Variants in CPEB1 observed in about 807,000 individuals in gnomAD.
CPEB1 encodes cytoplasmic polyadenylation element binding protein 1, also known as cytoplasmic polyadenylation element-binding protein 1.
In CPEB1, 7 loss-of-function variants were observed where a neutral mutation model predicts 65.8. That is an observed-to-expected ratio of 0.11 (90% confidence interval 0.06 to 0.20). The LOEUF is 0.20. Ranked by LOEUF, CPEB1 falls within the 10% of genes least tolerant of loss-of-function variation. CPEB1 has a pLI of 1.00. For synonymous variants in CPEB1, 262 were observed against 260.0 expected (o/e 1.01, Z -0.08); for missense variants, 551 against 712.2 (o/e 0.77, Z 2.58).
chr15:82,618,799 A>C (rs936908750), intron 3 of CPEB1, among the ~76,000 whole-genome samples: 3 of 152,330 alleles, frequency 2.0e-5, no homozygotes, highest in Admixed American at 1.3e-4. Context: ...ACACTAAGAA[A>C]ATTTTTAAAG....
In CPEB1 at chr15:82,575,528, G is replaced by A. The variant is rs929687311; in HGVS notation, c.272-3996C>T. 2.2e-4 allele frequency among the ~76,000 whole-genome samples: 34 copies of A among 152,000 alleles called. 1 individual carries two copies. The highest frequency in any genetic ancestry group is 2.1e-4 in the Non-Finnish European group (14 of 67,908). Reference sequence around the variant, plus strand: ...AAGATACCACTAAGAAAATAATTACGCAAGCCACAATATGTGAGAAAATAC... The same window carrying A: ...AAGATACCACTAAGAAAATAATTACACAAGCCACAATATGTGAGAAAATAC... On this transcript the variant is annotated intron_variant, in intron 3 of 12. Coordinates refer to ENST00000684509, the MANE Select transcript of CPEB1 (RefSeq NM_001365242.1).
At chr15:82,553,816 C>T (rs2036711298) in intron 7 of CPEB1, 62 bp downstream of exon 7, 1 of 1,213,130 alleles carries the variant, frequency 8.2e-7, no homozygotes, top group Non-Finnish European at 1.2e-6. Flanking sequence ...TTCCAAGTTT[C>T]ATGCTCCTGA....
rs534244935 is a variant in CPEB1 at position 82,616,582 on chromosome 15, G to A, written c.271+10611C>T. 3.7e-5 allele frequency among the ~76,000 whole-genome samples: 5 copies of A among 133,476 alleles called. No homozygotes were observed. The South Asian group carries it at 6.9e-4, about 18-fold the overall frequency. 87.6% of individuals were successfully genotyped at this position (133,476 alleles called of 152,430 possible). ...GAGACGGAGTTTCGTTCTTGTCATC[G>A]CCCAGACTGGAGTGCAGTGGCATGA... On this transcript the variant is annotated intron_variant, in intron 3 of 12. Coordinates refer to ENST00000684509, the MANE Select transcript of CPEB1 (RefSeq NM_001365242.1).
At chr15:82,619,588 C>G (rs2045103163) in intron 3 of CPEB1, among the ~76,000 whole-genome samples, 1 of 151,864 alleles carries the variant, frequency 6.6e-6, no homozygotes, top group Non-Finnish European at 1.5e-5. Flanking sequence ...TACAAGTAAA[C>G]AAGAAAAAGG....
chr15:82,547,749 T>G (rs963850409), intron 10 of CPEB1, among the ~76,000 whole-genome samples: 7 of 151,470 alleles, frequency 4.6e-5, no homozygotes, highest in Non-Finnish European at 8.8e-5. Flanking sequence ...CTCAGCTCAC[T>G]GCAACCTCTG....
chr15:82,559,517 C>T (rs1187748033), intron 4 of CPEB1, among the ~76,000 whole-genome samples: 1 of 152,050 alleles, frequency 6.6e-6, no homozygotes, highest in Non-Finnish European at 1.5e-5. Context: ...AGTTTCAGTC[C>T]CTCTACAACC....
intron 4 of CPEB1, among the ~76,000 whole-genome samples, chr15:82,569,555 C>T (rs1209332743): frequency 6.6e-6 from 1 of 152,214 alleles, no homozygotes; most frequent in Non-Finnish European, 1.5e-5. Context: ...CAAACAGCTA[C>T]AAGCACAGGC....
At chr15:82,615,540 G>C (rs2044628845) in intron 3 of CPEB1, among the ~76,000 whole-genome samples, 1 of 152,132 alleles carries the variant, frequency 6.6e-6, no homozygotes, top group East Asian at 1.9e-4. Context: ...TAAAGGGAAA[G>C]AACCCTGGGA....
At chr15:82,554,015 AACAGGGG>A (rs1358041218) in intron 6 of CPEB1, 24 bp from the exon 7 acceptor site, 4 of 1,435,706 alleles carry the variant, frequency 2.8e-6, no homozygotes, top group Non-Finnish European at 3.9e-6. Flanking sequence ...CAAAGAGATA[AACAGGGG>A]AGGTTAGAGA....
At chr15:82,564,407 T>C (rs59746564) in intron 4 of CPEB1, among the ~76,000 whole-genome samples, 24,885 of 152,108 alleles carry the variant, frequency 0.16, 2,178 homozygotes, top group East Asian at 0.32. Context: ...TGCCTCAGCC[T>C]CCCGAGTAGC....
chr15:82,601,905 G>A (rs1400573428), intron 3 of CPEB1, among the ~76,000 whole-genome samples: 1 of 152,170 alleles, frequency 6.6e-6, no homozygotes, highest in Admixed American at 6.5e-5. Flanking sequence ...GATAACGAAA[G>A]CTAGAGATTT....
chr15:82,591,719 A>G (rs1330466958), intron 3 of CPEB1, among the ~76,000 whole-genome samples: 1 of 151,758 alleles, frequency 6.6e-6, no homozygotes, highest in Non-Finnish European at 1.5e-5. Context: ...CCATGAATCT[A>G]TTTTCTGTCT....
intron 3 of CPEB1, among the ~76,000 whole-genome samples, chr15:82,615,733 A>C (rs1462154278): frequency 6.6e-6 from 1 of 152,236 alleles, no homozygotes; most frequent in African/African-American, 2.4e-5. Flanking sequence ...CTGAAAACTC[A>C]TGAAATCCTA....
intron 1 of CPEB1, among the ~76,000 whole-genome samples, chr15:82,637,418 T>C (rs1205616445): frequency 6.6e-6 from 1 of 152,186 alleles, no homozygotes; most frequent in African/African-American, 2.4e-5. Context: ...GCCACAGCTC[T>C]CACACCTTTG....
intron 6 of CPEB1, among the ~76,000 whole-genome samples, chr15:82,554,853 G>A (rs376573653): frequency 2.0e-5 from 3 of 152,196 alleles, no homozygotes; most frequent in Non-Finnish European, 2.9e-5. Flanking sequence ...AATCTTTTAC[G>A]ACAAAAACAG....
At chr15:82,596,228 A>T (rs1438247601) in intron 3 of CPEB1, among the ~76,000 whole-genome samples, 1 of 152,194 alleles carries the variant, frequency 6.6e-6, no homozygotes, top group African/African-American at 2.4e-5. Context: ...AGCAGTTAAG[A>T]CAAGCATGTG....
intron 10 of CPEB1, 152 bp downstream of exon 10, chr15:82,549,308 G>T: frequency 1.4e-6 from 1 of 729,476 alleles, no homozygotes; most frequent in Non-Finnish European, 2.3e-6. Context: ...CAGTACTCGT[G>T]ACTTGTCTAG....
At chr15:82,575,115 C>T (rs966144961) in intron 3 of CPEB1, among the ~76,000 whole-genome samples, 2 of 152,250 alleles carry the variant, frequency 1.3e-5, no homozygotes, top group East Asian at 3.9e-4. Context: ...CAACTGAATG[C>T]GTATCATTTT....
chr15:82,608,221 C>T (rs2151227377), intron 3 of CPEB1, among the ~76,000 whole-genome samples: 1 of 152,252 alleles, frequency 6.6e-6, no homozygotes, highest in South Asian at 2.1e-4. Context: ...AGTTCCTAAA[C>T]TGTTGCCTAA....
Sources: gnomAD v4.1 joint callset for allele counts (sites outside exome capture counted in the v4.1 genomes callset) on GRCh38, gnomAD v4.1.1 for gene constraint, MANE v1.5 for transcripts, NCBI Gene and HGNC (gene_info 2026-07-23, HGNC 2026-07-21) for gene names.